The following CTNNA3 variants were observed in gnomAD, a reference collection of about 807,000 sequenced individuals.
The protein encoded by CTNNA3 is catenin alpha-3.
Under a neutral mutation model 95.7 loss-of-function variants are expected in CTNNA3, and 76 were observed. That is an observed-to-expected ratio of 0.79 (90% confidence interval 0.66 to 0.96). CTNNA3 has a LOEUF of 0.96. Ranked by LOEUF, CTNNA3 falls within the 40% of genes least tolerant of loss-of-function variation. The probability of loss-of-function intolerance (pLI) is 0.00; values close to 1 mark genes in which losing one functional copy is unlikely to be tolerated. For missense variants in CTNNA3, 1,191 were observed against 1,089.8 expected, an observed-to-expected ratio of 1.09 and a Z score of -1.31; for synonymous variants, 431 against 374.4, an observed-to-expected ratio of 1.15 and a Z score of -1.74.
At chr10:66,033,154 C>A (rs187329111) in intron 15 of CTNNA3, among the ~76,000 whole-genome samples, 1 of 112,422 alleles carries the variant, frequency 8.9e-6, no homozygotes, top group African/African-American at 3.3e-5. Flanking sequence ...TTTTTTGAGA[C>A]GAGTCTCGCT....
intron 11 of CTNNA3, among the ~76,000 whole-genome samples, chr10:66,451,786 A>G (rs140601930): frequency 6.6e-6 from 1 of 152,304 alleles, no homozygotes; most frequent in Non-Finnish European, 1.5e-5. Context: ...CTGCTAGCCA[A>G]TCCAAAAACT....
At chr10:67,237,122 G>GTGTGTATATATATA (rs1554810757) in intron 5 of CTNNA3, among the ~76,000 whole-genome samples, 1 of 79,610 alleles carries the variant, frequency 1.3e-5, no homozygotes, top group Non-Finnish European at 2.9e-5. Flanking sequence ...AAACTATGGT[G>GTGTGTATATATATA]TATGTATATA....
At chr10:66,367,532 A>G (rs1465187025) in intron 12 of CTNNA3, among the ~76,000 whole-genome samples, 1 of 149,766 alleles carries the variant, frequency 6.7e-6, no homozygotes, top group Admixed American at 6.7e-5. Flanking sequence ...ATATGTACAT[A>G]TCTTTAATAT....
intron 11 of CTNNA3, among the ~76,000 whole-genome samples, chr10:66,502,637 T>G (rs1048728191): frequency 1.3e-5 from 2 of 152,156 alleles, no homozygotes; most frequent in Non-Finnish European, 2.9e-5. Context: ...AATATTACTT[T>G]GAAAATTTCT....
At chr10:66,042,002 C>A (rs529554664) in intron 15 of CTNNA3, among the ~76,000 whole-genome samples, 2 of 152,322 alleles carry the variant, frequency 1.3e-5, no homozygotes, top group African/African-American at 4.8e-5. Context: ...TCTCAAGCTC[C>A]TTTGTCACAT....
chr10:66,770,185 G>A (rs1475407277), intron 8 of CTNNA3, among the ~76,000 whole-genome samples: 1 of 152,136 alleles, frequency 6.6e-6, no homozygotes, highest in African/African-American at 2.4e-5. Context: ...GATGTGAAAG[G>A]ACTAGAATGT....
At chr10:67,548,070 G>A (rs1367298803) in intron 3 of CTNNA3, among the ~76,000 whole-genome samples, 3 of 152,150 alleles carry the variant, frequency 2.0e-5, no homozygotes, top group Non-Finnish European at 4.4e-5. Flanking sequence ...CCAGTGGGAG[G>A]TGTTTGGGTC....
At chr10:66,380,383 G>A (rs2092827973) in intron 11 of CTNNA3, among the ~76,000 whole-genome samples, 2 of 152,044 alleles carry the variant, frequency 1.3e-5, no homozygotes, top group African/African-American at 2.4e-5. Flanking sequence ...ACCTAGGAAG[G>A]AGGATGACTT....
intron 13 of CTNNA3, among the ~76,000 whole-genome samples, chr10:66,252,012 A>G (rs1373438365): frequency 2.0e-5 from 3 of 152,208 alleles, no homozygotes; most frequent in Admixed American, 1.3e-4. Flanking sequence ...AGATCAGTCT[A>G]TGAAATATGA....
intron 7 of CTNNA3, among the ~76,000 whole-genome samples, chr10:67,031,281 T>G (rs889457082): frequency 6.6e-6 from 1 of 152,126 alleles, no homozygotes; most frequent in African/African-American, 2.4e-5. Context: ...AGGTAGAAAT[T>G]CACAGGTTTT....
intron 9 of CTNNA3, among the ~76,000 whole-genome samples, chr10:66,659,176 A>C (rs980878407): frequency 2.9e-5 from 4 of 138,952 alleles, no homozygotes; most frequent in Non-Finnish European, 3.0e-5. Context: ...AAAAATAATT[A>C]AGAAAACACA....
chr10:67,546,907 T>C (rs972100398), intron 3 of CTNNA3, among the ~76,000 whole-genome samples: 4 of 152,216 alleles, frequency 2.6e-5, no homozygotes, highest in African/African-American at 9.6e-5. Context: ...AACTGATATC[T>C]TTGCTTTTTT....
intron 1 of CTNNA3, among the ~76,000 whole-genome samples, chr10:67,762,119 A>G (rs1250856329): frequency 2.8e-5 from 4 of 144,844 alleles, no homozygotes; most frequent in Admixed American, 7.1e-5. Flanking sequence ...GGAAATTCAC[A>G]CTTTTGGGGG....
At chr10:67,510,617 T>G (rs1020211701) in intron 5 of CTNNA3, among the ~76,000 whole-genome samples, 3 of 152,218 alleles carry the variant, frequency 2.0e-5, no homozygotes, top group Admixed American at 6.5e-5. Context: ...TAGTTTGAAG[T>G]CAGGTAGCAT....
At chr10:67,173,428 C>A (rs777878488) in intron 7 of CTNNA3, among the ~76,000 whole-genome samples, 11 of 152,206 alleles carry the variant, frequency 7.2e-5, no homozygotes, top group Non-Finnish European at 1.2e-4. Flanking sequence ...CCAACACTCC[C>A]CATAGGACAG....
At chr10:67,060,678 CTCTCT>C (rs993972981) in intron 7 of CTNNA3, among the ~76,000 whole-genome samples, 2 of 152,016 alleles carry the variant, frequency 1.3e-5, no homozygotes, top group Non-Finnish European at 2.9e-5. Context: ...CTCTCTCTCT[CTCTCT>C]TCTTCTACCA....
At chr10:66,728,035 G>A (rs563464550) in intron 9 of CTNNA3, among the ~76,000 whole-genome samples, 89 of 152,222 alleles carry the variant, frequency 5.8e-4, no homozygotes, top group African/African-American at 1.8e-3. Context: ...AATGAAGGGC[G>A]TATTGTTTAT....
chr10:66,214,600 C>T (rs1416203668), intron 13 of CTNNA3, among the ~76,000 whole-genome samples: 2 of 151,568 alleles, frequency 1.3e-5, no homozygotes, highest in South Asian at 2.1e-4. Flanking sequence ...CTACATAAGG[C>T]TTATAATTTA....
intron 7 of CTNNA3, among the ~76,000 whole-genome samples, chr10:66,818,309 A>T: frequency 1.0e-5 from 1 of 99,718 alleles, no homozygotes; most frequent in East Asian, 2.6e-4. Flanking sequence ...AAATAAATAA[A>T]AGTAGTCTTT....
Sources: gnomAD v4.1 joint callset for allele counts (sites outside exome capture counted in the v4.1 genomes callset) on GRCh38, gnomAD v4.1.1 for gene constraint, MANE v1.5 for transcripts, NCBI Gene and HGNC (gene_info 2026-07-23, HGNC 2026-07-21) for gene names.